Variants in MAP3K19 observed in about 807,000 individuals in gnomAD.
MAP3K19 encodes SPS1/STE20-related protein kinase YSK4.
In MAP3K19, 91 loss-of-function variants were observed where a neutral mutation model predicts 114.4. That is an observed-to-expected ratio of 0.80 (90% CI 0.67 to 0.95). MAP3K19 has a LOEUF of 0.95. MAP3K19 is among the 40% of genes least tolerant of loss of function. The pLI, the probability that MAP3K19 is intolerant of heterozygous loss-of-function variation, is 0.00. For missense variants in MAP3K19, 1,471 were observed against 1,573.2 expected (o/e 0.94, Z 1.10); for synonymous variants, 518 against 530.5 (o/e 0.98, Z 0.32).
At chr2:135,013,983 T>C (rs1687413362) in intron 5 of MAP3K19, among the ~76,000 whole-genome samples, 1 of 152,208 alleles carries the variant, frequency 6.6e-6, no homozygotes, top group Non-Finnish European at 1.5e-5. Context: ...ATGTTTGAGA[T>C]TTCTGTGTCT....
At chr2:134,996,968 G>A (rs757789151) in intron 8 of MAP3K19, among the ~76,000 whole-genome samples, 2 of 152,110 alleles carry the variant, frequency 1.3e-5, no homozygotes, top group African/African-American at 2.4e-5. Context: ...AGGATCGCTT[G>A]AGCCCAGGAG....
intron 9 of MAP3K19, 150 bp from the exon 10 acceptor site, chr2:134,988,403 C>T: frequency 2.9e-6 from 2 of 694,824 alleles, no homozygotes; most frequent in Non-Finnish European, 4.3e-6. Flanking sequence ...TCTTTTTTTT[C>T]TTCTTGAGAC....
rs539301149 is a variant in MAP3K19 at position 134,990,270 on chromosome 2, G to C, written c.618+1267C>G. The stretch of plus-strand genomic sequence containing the variant: ...CTTGAACAACAGGGCTTCAAACTAC[G>C]CAAGTCCACCTATATGTGGATTTTC... On this transcript the variant is annotated intron_variant, in intron 9 of 12. Coordinates refer to ENST00000392915, the MANE Select transcript of MAP3K19 (RefSeq NM_025052.5). Among the ~76,000 whole-genome samples, 15 of 152,162 alleles carry C rather than the reference G, an allele frequency of 9.9e-5. No homozygotes were observed. The South Asian group carries it at 2.9e-3, about 30-fold the overall frequency.
At chr2:135,039,977 ACC>A (rs1184389931) in intron 2 of MAP3K19, among the ~76,000 whole-genome samples, 4 of 152,016 alleles carry the variant, frequency 2.6e-5, no homozygotes, top group Admixed American at 2.6e-4. Context: ...TCACGTATTT[ACC>A]CCTGTTTCCC....
chr2:134,975,593 G>T (rs1051147890), intron 12 of MAP3K19, among the ~76,000 whole-genome samples: 1 of 152,072 alleles, frequency 6.6e-6, no homozygotes, highest in African/African-American at 2.4e-5. Flanking sequence ...GGTGGGCAAG[G>T]GGAGCCTGTC....
chr2:135,003,001 G>A (rs1208420657), intron 6 of MAP3K19, among the ~76,000 whole-genome samples: 1 of 152,180 alleles, frequency 6.6e-6, no homozygotes, highest in Admixed American at 6.5e-5. Flanking sequence ...AAGAAACGAA[G>A]GTTACATGAG....
At chr2:135,018,155 GTGGCCC>G (rs945362220) in intron 5 of MAP3K19, among the ~76,000 whole-genome samples, 12 of 152,074 alleles carry the variant, frequency 7.9e-5, no homozygotes, top group African/African-American at 2.9e-4. Context: ...GCCGGGCATG[GTGGCCC>G]ATGCCTGTAA....
intron 11 of MAP3K19, chr2:134,983,250 G>A: frequency 1.9e-6 from 1 of 534,978 alleles, no homozygotes; most frequent in Non-Finnish European, 3.8e-6. Flanking sequence ...TTTTGTTTTT[G>A]CCATCTAGTA....
chr2:135,000,215 C>A (rs1456619282), intron 6 of MAP3K19, among the ~76,000 whole-genome samples, 200 bp from the exon 7 acceptor site: 1 of 151,942 alleles, frequency 6.6e-6, no homozygotes, highest in East Asian at 1.9e-4. Context: ...GCTTAAAGAG[C>A]AAAAAACCAT....
At chr2:135,021,012 T>C (rs1263304624) in intron 5 of MAP3K19, among the ~76,000 whole-genome samples, 2 of 152,136 alleles carry the variant, frequency 1.3e-5, no homozygotes, top group African/African-American at 4.8e-5. Flanking sequence ...TTAATGTACA[T>C]AAAAAGGAAG....
chr2:134,990,547 G>T (rs1047269379), intron 9 of MAP3K19, among the ~76,000 whole-genome samples: 1 of 151,708 alleles, frequency 6.6e-6, no homozygotes, highest in Non-Finnish European at 1.5e-5. Flanking sequence ...CATGATGTCG[G>T]GTCACTGCAA....
chr2:135,014,479 C>T (rs77922444), intron 5 of MAP3K19, among the ~76,000 whole-genome samples: 19,154 of 152,186 alleles, frequency 0.13, 1,520 homozygotes, highest in South Asian at 0.32. Context: ...TACAGGTATC[C>T]ACAGCCATGC....
chr2:134,983,365 A>C lies in MAP3K19; in HGVS notation c.3222+311T>G, dbSNP rs774183862. The C allele has an allele frequency of 6.8e-6, 4 of 589,834 alleles. No individual in the cohort carries two copies. In the Admixed American group the frequency reaches 7.5e-5, roughly 11 times the overall value. 36.5% of individuals were successfully genotyped at this position (589,834 alleles called of 1,614,324 possible). A position where few individuals can be genotyped will look rare whatever the true frequency, so the allele number is the denominator to read the frequency against. On this transcript the variant is annotated intron_variant, in intron 11 of 12. Transcript: ENST00000392915. ...ATGAGAGGTTAGAAATGCAGTGGCC[A>C]TTGAGTCACTATATGTGCCTGAGAA...
intron 2 of MAP3K19, among the ~76,000 whole-genome samples, chr2:135,036,935 T>G (rs543417599): frequency 6.6e-6 from 1 of 151,866 alleles, no homozygotes; most frequent in Admixed American, 6.6e-5. Flanking sequence ...GAGGAAGATG[T>G]CAGACTGCAG....
intron 12 of MAP3K19, among the ~76,000 whole-genome samples, chr2:134,971,419 A>G (rs1036180783): frequency 1.3e-5 from 2 of 152,196 alleles, no homozygotes; most frequent in Admixed American, 6.5e-5. Flanking sequence ...TTTTGGTATC[A>G]GGGTAATGCT....
At chr2:134,985,156 T>C (rs898394613) in intron 10 of MAP3K19, among the ~76,000 whole-genome samples, 1 of 152,238 alleles carries the variant, frequency 6.6e-6, no homozygotes, top group Non-Finnish European at 1.5e-5. Context: ...CCAACTCTCA[T>C]GCCAAACAAA....
chr2:135,019,803 G>A (rs977749784), intron 5 of MAP3K19, among the ~76,000 whole-genome samples: 1 of 152,102 alleles, frequency 6.6e-6, no homozygotes, highest in Non-Finnish European at 1.5e-5. Flanking sequence ...TCTCTCTGTA[G>A]GCAATCACTG....
chr2:134,982,113 C>CTTTTTTT (rs35219224), intron 11 of MAP3K19, among the ~76,000 whole-genome samples: 14 of 76,340 alleles, frequency 1.8e-4, no homozygotes, highest in East Asian at 3.7e-4. Context: ...CTTTTTCTTT[C>CTTTTTTT]TTTTTTTTTT....
intron 2 of MAP3K19, among the ~76,000 whole-genome samples, chr2:135,035,753 T>A (rs1319673781): frequency 1.3e-5 from 2 of 152,254 alleles, no homozygotes; most frequent in Non-Finnish European, 2.9e-5. Flanking sequence ...AGCCCCTGCC[T>A]GCATTTCCAG....
Sources: allele counts gnomAD v4.1 joint callset (sites outside exome capture counted in the v4.1 genomes callset), GRCh38; gene constraint gnomAD v4.1.1; transcripts MANE v1.5; gene names NCBI Gene and HGNC (gene_info 2026-07-23, HGNC 2026-07-21).